Variants in SYT17 observed in about 807,000 individuals in gnomAD.
SYT17 encodes the protein synaptotagmin 17.
A neutral mutation model predicts 46.7 loss-of-function variants in SYT17; 22 were observed. That is an observed-to-expected ratio of 0.47 (90% CI 0.34 to 0.67). The LOEUF (loss-of-function observed/expected upper bound fraction) is 0.67. SYT17 is among the 30% of genes least tolerant of loss of function. SYT17 has a pLI of 0.01. For missense variants in SYT17, 519 were observed against 612.8 expected, an observed-to-expected ratio of 0.85 and a Z score of 1.62; for synonymous variants, 251 against 248.4, an observed-to-expected ratio of 1.01 and a Z score of -0.10.
At chr16:19,208,761 C>T (rs889989154) in intron 5 of SYT17, among the ~76,000 whole-genome samples, 1 of 151,980 alleles carries the variant, frequency 6.6e-6, no homozygotes, top group Non-Finnish European at 1.5e-5. Flanking sequence ...TTCATCTTCA[C>T]GTGGTATTCT....
intron 7 of SYT17, among the ~76,000 whole-genome samples, chr16:19,239,695 C>G (rs1252857191): frequency 6.6e-6 from 1 of 152,204 alleles, no homozygotes; most frequent in Non-Finnish European, 1.5e-5. Flanking sequence ...GAGGGTGTTG[C>G]TTTTCTGGCC....
rs1363097982 is a variant in SYT17 at position 19,225,786 on chromosome 16, TCA to T, written c.1228+951_1228+952del. Reference sequence around the variant, plus strand: ...CACATGGGCTTTACCATAGAACAACTCACAACATGACTTTCATCAGAGTGGTC... The same window carrying T: ...CACATGGGCTTTACCATAGAACAACTCAACATGACTTTCATCAGAGTGGTC... On this transcript the variant is annotated intron_variant, in intron 7 of 7. Transcript: ENST00000355377. Among the ~76,000 whole-genome samples, 12 of 152,272 alleles carry T rather than the reference TCA, an allele frequency of 7.9e-5. No homozygotes were observed. The South Asian group carries it at 2.5e-3, about 32-fold the overall frequency.
intron 7 of SYT17, among the ~76,000 whole-genome samples, chr16:19,262,761 G>T (rs1296499209): frequency 1.3e-5 from 2 of 152,192 alleles, no homozygotes; most frequent in Admixed American, 1.3e-4. Context: ...GCTTGCAGAG[G>T]TCCAGCTAAT....
At chr16:19,184,505 C>T (rs1964698215) in intron 5 of SYT17, among the ~76,000 whole-genome samples, 1 of 151,930 alleles carries the variant, frequency 6.6e-6, no homozygotes, top group Admixed American at 6.6e-5. Context: ...CCTGCCTCAG[C>T]CTCCTGAGTA....
At chr16:19,184,298 A>G (rs552693156) in intron 5 of SYT17, 151 bp downstream of exon 5, 458 of 1,021,380 alleles carry the variant, frequency 4.5e-4, no homozygotes, top group Non-Finnish European at 5.9e-4. Context: ...CAAAAATAGC[A>G]GAGAGTTCCT....
chr16:19,200,089 G>A (rs1965402191), intron 5 of SYT17, among the ~76,000 whole-genome samples: 2 of 152,338 alleles, frequency 1.3e-5, no homozygotes, highest in South Asian at 4.1e-4. Context: ...GAGAAAGAGA[G>A]GGTGGTATTG....
At chr16:19,206,685 T>G (rs1337040407) in intron 5 of SYT17, among the ~76,000 whole-genome samples, 1 of 152,124 alleles carries the variant, frequency 6.6e-6, no homozygotes, top group East Asian at 1.9e-4. Flanking sequence ...TGGTACTCCT[T>G]GGCTGAGAGA....
chr16:19,233,898 A>G (rs979867556), intron 7 of SYT17, among the ~76,000 whole-genome samples: 2 of 152,114 alleles, frequency 1.3e-5, no homozygotes, highest in African/African-American at 4.8e-5. Context: ...CTCTGCAGCC[A>G]TGCAGCAGCC....
chr16:19,238,967 A>T (rs1966897432), intron 7 of SYT17, among the ~76,000 whole-genome samples: 2 of 152,184 alleles, frequency 1.3e-5, no homozygotes, highest in Admixed American at 1.3e-4. Flanking sequence ...CAGTCAGCAG[A>T]ATGCTTAACT....
chr16:19,194,686 C>T (rs1304488305), intron 5 of SYT17, among the ~76,000 whole-genome samples: 1 of 152,194 alleles, frequency 6.6e-6, no homozygotes, highest in African/African-American at 2.4e-5. Context: ...CCTCAAACTC[C>T]TGGGCTCAAG....
intron 5 of SYT17, among the ~76,000 whole-genome samples, chr16:19,195,678 C>G (rs1965210750): frequency 6.6e-6 from 1 of 152,072 alleles, no homozygotes; most frequent in Non-Finnish European, 1.5e-5. Flanking sequence ...TGAGATCACA[C>G]CACTGCACTC....
chr16:19,250,593 C>G (rs1356686126), intron 7 of SYT17, among the ~76,000 whole-genome samples: 1 of 152,112 alleles, frequency 6.6e-6, no homozygotes, highest in Non-Finnish European at 1.5e-5. Context: ...GGGCTGGTCT[C>G]GAACTCCTGG....
At position 19,183,646 on chromosome 16, in the gene SYT17, C is replaced by T. The variant is rs759238127; in HGVS notation, c.450C>T (p.Pro150=). The T allele has an allele frequency of 2.9e-5, 47 of 1,614,038 alleles. No homozygotes were observed. Among genetic ancestry groups the T allele is most frequent in the Non-Finnish European group, 3.8e-5 (45 of 1,180,036 alleles). ...CGGTGCTCAGACGGACCTATAACCC[C>T]GACGACTATTTCAGGAAGTTCGAAC... The part of the protein sequence containing the change: ...QPSVLRRTYN[P]DDYFRKFEPH... Residue 150 remains proline, a synonymous_variant, in exon 5 of 8, where the codon CCC becomes CCT. Coordinates refer to ENST00000355377, the MANE Select transcript of SYT17 (RefSeq NM_016524.4). This position sits in a 1 kb window ranked among gnomAD's most constrained non-coding sequence, Gnocchi z 5.6.
chr16:19,222,951 C>T (rs1445822017), intron 5 of SYT17, 94 bp from the exon 6 acceptor site: 1 of 1,532,824 alleles, frequency 6.5e-7, no homozygotes, highest in Non-Finnish European at 8.9e-7. Flanking sequence ...TCACAGCAAC[C>T]TGTTTGTGAG....
rs962601486 is a variant in SYT17 at position 19,168,695 on chromosome 16, C to T, written c.15+34C>T. 8.8e-6 allele frequency: 13 copies of T among 1,478,150 alleles called. No homozygotes were observed. The highest frequency in any genetic ancestry group is 4.0e-5 in the South Asian group (3 of 75,856). 91.6% of individuals were successfully genotyped at this position (1,478,150 alleles called of 1,614,324 possible). A position where few individuals can be genotyped will look rare whatever the true frequency, so the allele number is the denominator to read the frequency against. On this transcript the variant is annotated intron_variant, in intron 1 of 7. Transcript: ENST00000355377. The surrounding 1 kb of genome is among the most constrained non-coding windows in gnomAD (Gnocchi z 6.9). ...GAGGCTGGGGGCAAGGTCCGGGGTG[C>T]GGGTAGGGGGTGCCGCGCCCCCTCC...
chr16:19,237,439 T>G (rs1189833973), intron 7 of SYT17, among the ~76,000 whole-genome samples: 4 of 152,064 alleles, frequency 2.6e-5, no homozygotes, highest in Admixed American at 6.6e-5. Flanking sequence ...CAGCTTTCCA[T>G]AAGACACACC....
At chr16:19,223,694 A>G (rs1293107506) in intron 6 of SYT17, among the ~76,000 whole-genome samples, 1 of 152,222 alleles carries the variant, frequency 6.6e-6, no homozygotes, top group Non-Finnish European at 1.5e-5. Flanking sequence ...AGCTGTAGTC[A>G]GGGATCTGTT....
At chr16:19,232,554 G>A (rs187302827) in intron 7 of SYT17, among the ~76,000 whole-genome samples, 26 of 152,218 alleles carry the variant, frequency 1.7e-4, no homozygotes, top group Admixed American at 2.6e-4. Flanking sequence ...CCCTTGGCCC[G>A]GTGCGGTGGC....
chr16:19,249,994 ATCAGTCCTTGGATACCC>A, intron 7 of SYT17: 2 of 1,536,078 alleles, frequency 1.3e-6, no homozygotes, highest in South Asian at 2.4e-5. Flanking sequence ...AGCTCATGGT[ATCAGTCCTTGGATACCC>A]TCACCTGGAA....
Sources: allele counts gnomAD v4.1 joint callset (sites outside exome capture counted in the v4.1 genomes callset), GRCh38; gene constraint gnomAD v4.1.1; non-coding constraint Gnocchi (gnomAD v3.1); transcripts MANE v1.5; gene names NCBI Gene and HGNC (gene_info 2026-07-23, HGNC 2026-07-21).